SYN2: variants seen among roughly 807,000 people sequenced by gnomAD.
The protein encoded by SYN2 is synapsin II.
A neutral mutation model predicts 50.9 loss-of-function variants in SYN2; 19 were observed. The ratio of observed to expected loss-of-function variants is 0.37; its 90% CI spans 0.26 to 0.55. The LOEUF (loss-of-function observed/expected upper bound fraction) is 0.55. Among genes scored for constraint, SYN2 ranks in the 20% least tolerant of loss-of-function variants. The pLI is 0.81. For synonymous variants in SYN2, 255 were observed against 224.9 expected (o/e 1.13, Z -1.20); for missense variants, 587 against 576.4 (o/e 1.02, Z -0.19).
At chr3:12,036,994 A>G (rs1486801652) in intron 1 of SYN2, among the ~76,000 whole-genome samples, 1 of 152,244 alleles carries the variant, frequency 6.6e-6, no homozygotes, top group Admixed American at 6.5e-5. Context: ...TCTGCATTCC[A>G]CAAAGTCCTA....
At chr3:12,181,617 G>C (rs1051750101) in intron 10 of SYN2, among the ~76,000 whole-genome samples, 5 of 152,218 alleles carry the variant, frequency 3.3e-5, no homozygotes, top group Admixed American at 6.5e-5. Flanking sequence ...CAGTAAGCAC[G>C]CCATAAATGT....
chr3:12,186,522 G>T (rs950458035), intron 11 of SYN2, among the ~76,000 whole-genome samples: 1 of 152,196 alleles, frequency 6.6e-6, no homozygotes, highest in Non-Finnish European at 1.5e-5. Flanking sequence ...AGTGGGGTTT[G>T]GATGTCTTGA....
At chr3:12,147,539 C>T (rs1010900701) in intron 4 of SYN2, among the ~76,000 whole-genome samples, 1 of 152,134 alleles carries the variant, frequency 6.6e-6, no homozygotes, top group Non-Finnish European at 1.5e-5. Flanking sequence ...TACCAAGTGT[C>T]TTTTTTGTGG....
At chr3:12,177,780 T>C (rs1227803211) in intron 10 of SYN2, among the ~76,000 whole-genome samples, 3 of 152,210 alleles carry the variant, frequency 2.0e-5, no homozygotes. Flanking sequence ...GGGACATCTT[T>C]AATCATTTGA....
intron 1 of SYN2, among the ~76,000 whole-genome samples, chr3:12,005,923 T>TGAA (rs1693793219): frequency 6.6e-6 from 1 of 151,432 alleles, no homozygotes; most frequent in Non-Finnish European, 1.5e-5. Context: ...AATTGATAGG[T>TGAA]GAAGGGCTTG....
chr3:12,183,645 T>C, intron 11 of SYN2: 2 of 1,405,900 alleles, frequency 1.4e-6, no homozygotes, highest in Non-Finnish European at 9.2e-7. Context: ...CTCACTTATG[T>C]TTTCTCTGTA....
Position 12,004,692 on chromosome 3 carries a change from C to G in SYN2, c.141C>G (p.Ala47=), listed in dbSNP as rs1372177662. ...CCCCCGGTCCGGGCGCCGCCTCGGC[C>G]TCGGCGGCGCCCCCGACCGCCTCGC... ...PPPPGPGAAS[A]SAAPPTASPG... is the part of the protein sequence containing the mutation. The change falls in exon 1 of 13, where the codon GCC becomes GCG. Residue 47 remains alanine, a synonymous_variant. Transcript: ENST00000621198. The G allele has an allele frequency of 2.8e-4, 50 of 178,532 alleles. No homozygotes were observed. The South Asian group carries it at 5.8e-3, about 21-fold the overall frequency. 11.1% of individuals were successfully genotyped at this position (178,532 alleles called of 1,614,324 possible).
intron 1 of SYN2, among the ~76,000 whole-genome samples, chr3:12,030,836 G>C (rs1344020022): frequency 8.4e-6 from 1 of 119,716 alleles, no homozygotes; most frequent in Non-Finnish European, 1.7e-5. Flanking sequence ...CCAGCTCCTG[G>C]ATTCATTGAT....
chr3:12,035,465 G>A (rs1694478629), intron 1 of SYN2, among the ~76,000 whole-genome samples: 1 of 152,220 alleles, frequency 6.6e-6, no homozygotes, highest in African/African-American at 2.4e-5. Flanking sequence ...GAGAAGGTGA[G>A]GCATTTATTG....
intron 1 of SYN2, among the ~76,000 whole-genome samples, chr3:12,069,853 A>T (rs1695306605): frequency 6.7e-6 from 1 of 148,574 alleles, no homozygotes; most frequent in African/African-American, 2.5e-5. Flanking sequence ...GTCTCCCAGG[A>T]TGGAGTGTAG....
chr3:12,189,287 C>T (rs980978313), intron 12 of SYN2, among the ~76,000 whole-genome samples: 4 of 152,182 alleles, frequency 2.6e-5, no homozygotes, highest in African/African-American at 9.7e-5. Flanking sequence ...GCTGGGCCTC[C>T]CCATGGCCTT....
At chr3:12,120,356 T>C (rs1389862812) in intron 1 of SYN2, among the ~76,000 whole-genome samples, 1 of 152,196 alleles carries the variant, frequency 6.6e-6, no homozygotes, top group African/African-American at 2.4e-5. Flanking sequence ...TTATTGCCCT[T>C]GATGAGATCT....
At chr3:12,110,711 C>T (rs907568988) in intron 1 of SYN2, among the ~76,000 whole-genome samples, 1 of 152,178 alleles carries the variant, frequency 6.6e-6, no homozygotes, top group African/African-American at 2.4e-5. Context: ...TCCTCCTAGG[C>T]CTCTGGGCCT....
At chr3:12,148,027 T>C (rs935455920) in intron 4 of SYN2, among the ~76,000 whole-genome samples, 3 of 151,700 alleles carry the variant, frequency 2.0e-5, no homozygotes, top group Non-Finnish European at 2.9e-5. Flanking sequence ...GGCGGGAGAA[T>C]GGCGTGAACC....
intron 1 of SYN2, among the ~76,000 whole-genome samples, chr3:12,093,586 C>T (rs1695872500): frequency 6.6e-6 from 1 of 152,134 alleles, no homozygotes; most frequent in South Asian, 2.1e-4. Flanking sequence ...TTGGGAACTT[C>T]AGCTGTAACA....
chr3:12,041,767 A>G (rs546236069), intron 1 of SYN2, among the ~76,000 whole-genome samples: 1 of 152,334 alleles, frequency 6.6e-6, no homozygotes, highest in Non-Finnish European at 1.5e-5. Context: ...CATCAGGTCT[A>G]GGCATACTGT....
intron 4 of SYN2, among the ~76,000 whole-genome samples, chr3:12,146,899 C>T (rs963460391): frequency 6.6e-6 from 1 of 152,150 alleles, no homozygotes; most frequent in African/African-American, 2.4e-5. Flanking sequence ...CATTGGCTTG[C>T]AGTATGCAGG....
chr3:12,156,450 CA>C (rs547039854), intron 5 of SYN2, among the ~76,000 whole-genome samples: 27 of 152,308 alleles, frequency 1.8e-4, no homozygotes, highest in African/African-American at 6.0e-4. Context: ...AAGTCCTGTG[CA>C]AAAGGCAGAG....
chr3:12,035,510 T>C (rs454615), intron 1 of SYN2, among the ~76,000 whole-genome samples: 134,918 of 152,258 alleles, frequency 0.89, 60,048 homozygotes, highest in East Asian at 0.97. Flanking sequence ...ACAGCTAATG[T>C]GTAATACCTG....
Sources: gnomAD v4.1 joint callset for allele counts (sites outside exome capture counted in the v4.1 genomes callset) on GRCh38, gnomAD v4.1.1 for gene constraint, MANE v1.5 for transcripts, NCBI Gene and HGNC (gene_info 2026-07-23, HGNC 2026-07-21) for gene names.